The following MED13L variants were observed in gnomAD, a reference collection of about 807,000 sequenced individuals.
MED13L encodes mediator complex subunit 13L.
A neutral mutation model predicts 220.9 loss-of-function variants in MED13L; 7 were observed. The observed-to-expected ratio is 0.03, with a 90% CI of 0.02 to 0.06. The LOEUF is 0.06. Ranked by LOEUF, MED13L falls within the 10% of genes least tolerant of loss-of-function variation. The pLI, the probability that MED13L is intolerant of heterozygous loss-of-function variation, is 1.00. For missense variants in MED13L, 1,965 were observed against 2,760.5 expected (o/e 0.71, Z 6.46); for synonymous variants, 1,011 against 1,015.2 (o/e 1.00, Z 0.08).
rs550566226 is a variant in MED13L, at chr12:116,169,701, T to C, written c.311-58189A>G. On this transcript the variant is annotated intron_variant, in intron 2 of 30. Transcript: ENST00000281928. ...CAAATGGTATTTGCTAAAAGGTTAG[T>C]TGAAGTACAGAACCTAAAACTATCA... Among the ~76,000 whole-genome samples the C allele has an allele frequency of 8.5e-5, 13 of 152,334 alleles. No individual in the cohort carries two copies. In the East Asian group the frequency reaches 2.5e-3, roughly 29 times the overall value.
intron 27 of MED13L, 36 bp downstream of exon 27, chr12:115,970,558 G>A (rs1342326317): frequency 6.2e-7 from 1 of 1,603,026 alleles, no homozygotes. Flanking sequence ...TGCCCTGCAT[G>A]AAGGTGAGCA....
chr12:115,964,554 T>G (rs1339425974), intron 29 of MED13L, among the ~76,000 whole-genome samples: 1 of 152,226 alleles, frequency 6.6e-6, no homozygotes, highest in Non-Finnish European at 1.5e-5. Context: ...TTTTTCAGAC[T>G]GAGTTGATGC....
At position 115,961,411 on chromosome 12, in the gene MED13L, A is replaced by G. The variant is rs750937937; in HGVS notation, c.6501-13T>C. 6.2e-7 allele frequency: 1 copy of G among 1,613,332 alleles called. No homozygotes were observed. The highest frequency in any genetic ancestry group is 8.5e-7 in the Non-Finnish European group (1 of 1,180,020). ...CTCCAAAACAAACCTGCCAAAGAGA[A>G]CACACAGAGCAGGGGCGTGAGCCTC... On this transcript the variant is annotated splice_polypyrimidine_tract_variant and intron_variant, in intron 30 of 30. Transcript: ENST00000281928.
intron 2 of MED13L, chr12:116,230,442 G>T: frequency 1.0e-6 from 1 of 972,348 alleles, no homozygotes; most frequent in Non-Finnish European, 1.2e-6. Context: ...CTTTTCAGGT[G>T]CACTGTGATA....
At chr12:116,082,510 G>A (rs1871304500) in intron 4 of MED13L, 1 of 152,118 alleles carries the variant, frequency 6.6e-6, no homozygotes, top group African/African-American at 2.4e-5. Flanking sequence ...TTATTACCCA[G>A]AGTTGCTCTC....
intron 2 of MED13L, among the ~76,000 whole-genome samples, chr12:116,177,685 G>C (rs1415959989): frequency 2.0e-5 from 3 of 152,006 alleles, no homozygotes. Context: ...TTATCTACCT[G>C]AATAGCTGTT....
chr12:116,097,865 T>C (rs1045173518), intron 3 of MED13L, among the ~76,000 whole-genome samples: 2 of 152,226 alleles, frequency 1.3e-5, no homozygotes, highest in Non-Finnish European at 2.9e-5. Flanking sequence ...AGTTCACTCA[T>C]GTGCAGGCAA....
chr12:115,974,334 T>C (rs1876790093), intron 25 of MED13L, among the ~76,000 whole-genome samples: 1 of 152,226 alleles, frequency 6.6e-6, no homozygotes, highest in Non-Finnish European at 1.5e-5. Flanking sequence ...ACATTAAGTC[T>C]TTCTTTTGTG....
At chr12:116,203,665 C>G (rs893951917) in intron 2 of MED13L, among the ~76,000 whole-genome samples, 1 of 151,856 alleles carries the variant, frequency 6.6e-6, no homozygotes, top group African/African-American at 2.4e-5. Context: ...ACTAAATATA[C>G]AAAAATTATC....
At chr12:116,235,726 C>A (rs1419622635) in intron 2 of MED13L, among the ~76,000 whole-genome samples, 2 of 152,084 alleles carry the variant, frequency 1.3e-5, no homozygotes, top group East Asian at 3.8e-4. Flanking sequence ...AAAAATAACA[C>A]AATAATTTAA....
intron 1 of MED13L, among the ~76,000 whole-genome samples, chr12:116,241,505 C>G (rs1326502232): frequency 6.6e-6 from 1 of 152,114 alleles, no homozygotes; most frequent in Non-Finnish European, 1.5e-5. Flanking sequence ...ACACTTTCAC[C>G]TGTAATATCC....
chr12:116,103,022 A>T (rs184467757), intron 3 of MED13L, among the ~76,000 whole-genome samples: 43 of 152,008 alleles, frequency 2.8e-4, no homozygotes, highest in Admixed American at 2.4e-3. Flanking sequence ...GGCGATCCCT[A>T]TATTTTCATT....
chr12:115,965,493 A>G (rs1272609017), intron 29 of MED13L, among the ~76,000 whole-genome samples: 1 of 152,196 alleles, frequency 6.6e-6, no homozygotes, highest in African/African-American at 2.4e-5. Flanking sequence ...ATGCTGCCAA[A>G]TCTTTGTATT....
At chr12:116,174,970 G>C (rs1422430501) in intron 2 of MED13L, 1 of 152,590 alleles carries the variant, frequency 6.6e-6, no homozygotes, top group African/African-American at 2.4e-5. Context: ...GCTGAGGCAG[G>C]AGGATCACTT....
At position 115,963,402 on chromosome 12, in the gene MED13L, T is replaced by C; in HGVS notation, c.6500+5A>G. On this transcript the variant is annotated splice_donor_5th_base_variant and intron_variant, in intron 30 of 30. Coordinates refer to ENST00000281928, the MANE Select transcript of MED13L (RefSeq NM_015335.5). Reference sequence around the variant, plus strand: ...CACTGCTATGATGCCTAGGTTGGTATCTACCTTAAAACATCCGACGTGGTT... The same window carrying C: ...CACTGCTATGATGCCTAGGTTGGTACCTACCTTAAAACATCCGACGTGGTT... 1.3e-6 allele frequency: 2 copies of C among 1,593,788 alleles called. No individual in the cohort carries two copies. The highest frequency in any genetic ancestry group is 8.6e-7 in the Non-Finnish European group (1 of 1,161,512).
intron 15 of MED13L, 107 bp from the exon 16 acceptor site, chr12:115,996,788 G>T: frequency 8.9e-7 from 1 of 1,118,436 alleles, no homozygotes; most frequent in Non-Finnish European, 1.3e-6. Flanking sequence ...TCGTATTTCA[G>T]TATTTCTCTC....
At chr12:116,067,191 T>C (rs1870011618) in intron 4 of MED13L, among the ~76,000 whole-genome samples, 1 of 152,208 alleles carries the variant, frequency 6.6e-6, no homozygotes, top group South Asian at 2.1e-4. Context: ...TATACACTCC[T>C]ATTAAAAAAT....
chr12:116,081,488 T>C (rs374760657), intron 4 of MED13L, among the ~76,000 whole-genome samples: 1 of 152,210 alleles, frequency 6.6e-6, no homozygotes, highest in Non-Finnish European at 1.5e-5. Context: ...AAAAAGATTC[T>C]ACACATACTC....
At chr12:116,033,022 G>T (rs1428219534) in intron 4 of MED13L, among the ~76,000 whole-genome samples, 2 of 151,640 alleles carry the variant, frequency 1.3e-5, no homozygotes, top group Non-Finnish European at 2.9e-5. Context: ...AAGATGATGG[G>T]GTAGAAAAAA....
Sources: allele counts gnomAD v4.1 joint callset (sites outside exome capture counted in the v4.1 genomes callset), GRCh38; gene constraint gnomAD v4.1.1; transcripts MANE v1.5; gene names NCBI Gene and HGNC (gene_info 2026-07-23, HGNC 2026-07-21).